Variants in SDK1 observed in about 807,000 individuals in gnomAD.
SDK1 encodes sidekick cell adhesion molecule 1.
A neutral mutation model predicts 245.5 loss-of-function variants in SDK1; 157 were observed. The observed-to-expected ratio is 0.64, with a 90% CI of 0.56 to 0.73. The LOEUF is 0.73. Among genes scored for constraint, SDK1 ranks in the 30% least tolerant of loss-of-function variants. SDK1 has a pLI of 0.00. For missense variants in SDK1, 3,583 were observed against 3,002.3 expected (o/e 1.19, Z -4.52); for synonymous variants, 1,647 against 1,278.5 (o/e 1.29, Z -6.15).
At chr7:3,493,764 C>T (rs946708588) in intron 1 of SDK1, among the ~76,000 whole-genome samples, 61 of 152,296 alleles carry the variant, frequency 4.0e-4, no homozygotes, top group African/African-American at 1.3e-3. Flanking sequence ...TCACTTATGA[C>T]ATAGCTTCTA....
At chr7:3,624,492 C>G (rs920999387) in intron 2 of SDK1, among the ~76,000 whole-genome samples, 1 of 152,106 alleles carries the variant, frequency 6.6e-6, no homozygotes, top group Non-Finnish European at 1.5e-5. Context: ...AGCCACCACA[C>G]CTGGCCTGGA....
chr7:3,312,099 C>T (rs1303525002), intron 1 of SDK1, among the ~76,000 whole-genome samples: 1 of 152,116 alleles, frequency 6.6e-6, no homozygotes, highest in African/African-American at 2.4e-5. Flanking sequence ...GGGTTGTGAT[C>T]ATTAGGAATA....
chr7:3,971,659 A>G (rs1016493586), intron 12 of SDK1, 91 bp downstream of exon 12: 89 of 960,202 alleles, frequency 9.3e-5, no homozygotes, highest in Non-Finnish European at 1.3e-4. Context: ...AATTGGGGGA[A>G]CTTTTGATTT....
rs116201767 is a variant in SDK1 at position 3,555,136 on chromosome 7, C to G, written c.299-63944C>G. On this transcript the variant is annotated intron_variant, in intron 1 of 44. Transcript: ENST00000404826. ...CAAGAATAGACAAATTTATCCTAAA[C>G]AAAAAGAACATAACTTGAGGAGTCA... 2.5e-3 allele frequency among the ~76,000 whole-genome samples: 383 copies of G among 152,096 alleles called. 4 individuals carry two copies. Among genetic ancestry groups the G allele is most frequent in the African/African-American group, 9.0e-3 (373 of 41,514 alleles).
chr7:3,361,231 C>T (rs539843382), intron 1 of SDK1, among the ~76,000 whole-genome samples: 20 of 152,114 alleles, frequency 1.3e-4, no homozygotes, highest in South Asian at 4.2e-4. Context: ...GGATTGCACT[C>T]GCATCTGGAT....
intron 18 of SDK1, 94 bp from the exon 19 acceptor site, chr7:4,051,544 C>T (rs959010895): frequency 4.5e-5 from 50 of 1,114,282 alleles, no homozygotes; most frequent in Non-Finnish European, 6.2e-5. Flanking sequence ...TATGACTTTA[C>T]ATTTTAAAAG....
intron 1 of SDK1, among the ~76,000 whole-genome samples, chr7:3,599,411 A>T (rs1781181786): frequency 6.6e-6 from 1 of 151,878 alleles, no homozygotes; most frequent in South Asian, 2.1e-4. Context: ...ATTTTCTCCT[A>T]ATCTGTGTCT....
intron 1 of SDK1, among the ~76,000 whole-genome samples, chr7:3,612,023 C>T (rs974458553): frequency 6.6e-6 from 1 of 152,022 alleles, no homozygotes; most frequent in Non-Finnish European, 1.5e-5. Context: ...TGTATCTTCT[C>T]ACTCCTAAGT....
At chr7:3,878,514 C>G (rs192434669) in intron 5 of SDK1, among the ~76,000 whole-genome samples, 17 of 152,056 alleles carry the variant, frequency 1.1e-4, no homozygotes, top group African/African-American at 4.1e-4. Context: ...AAGACTCTGT[C>G]TCAAAAAAAT....
intron 4 of SDK1, among the ~76,000 whole-genome samples, chr7:3,728,204 CT>C (rs559688295): frequency 9.9e-5 from 15 of 152,222 alleles, no homozygotes; most frequent in Non-Finnish European, 2.1e-4. Context: ...TGAGGTAGTA[CT>C]TATCAGCTAT....
At chr7:3,760,256 C>T (rs1324441836) in intron 4 of SDK1, among the ~76,000 whole-genome samples, 1 of 152,164 alleles carries the variant, frequency 6.6e-6, no homozygotes, top group East Asian at 1.9e-4. Flanking sequence ...CAACAGAAGA[C>T]TCAGGTTGTC....
rs765064900 is a variant in SDK1, at chr7:3,973,060, G to C, written c.1818-1309G>C. Among the ~76,000 whole-genome samples the C allele has an allele frequency of 2.0e-5, 3 of 152,106 alleles. No individual in the cohort carries two copies. The East Asian group carries it at 5.8e-4, about 29-fold the overall frequency. ...AACCCCCTCGGATCCCTGTGGTTTCGTAGTAGCTTGTTATATGTGATTAAA... is the reference window on the plus strand; with the variant it reads ...AACCCCCTCGGATCCCTGTGGTTTCCTAGTAGCTTGTTATATGTGATTAAA... On this transcript the variant is annotated intron_variant, in intron 12 of 44. Coordinates refer to ENST00000404826, the MANE Select transcript of SDK1 (RefSeq NM_152744.4).
intron 5 of SDK1, among the ~76,000 whole-genome samples, chr7:3,923,434 A>C (rs1217506217): frequency 1.3e-5 from 2 of 152,190 alleles, no homozygotes; most frequent in Admixed American, 6.5e-5. Context: ...TGTTTGTTTT[A>C]ATAATCGAGA....
chr7:4,133,037 G>A (rs1232896852), intron 28 of SDK1, among the ~76,000 whole-genome samples: 1 of 152,168 alleles, frequency 6.6e-6, no homozygotes, highest in East Asian at 1.9e-4. Context: ...ATGTTGATGT[G>A]TGTTTGAGAA....
intron 5 of SDK1, among the ~76,000 whole-genome samples, chr7:3,893,458 A>G (rs148521869): frequency 6.6e-6 from 1 of 151,970 alleles, no homozygotes; most frequent in Non-Finnish European, 1.5e-5. Flanking sequence ...TGCAAACTCA[A>G]GTAGCTGTTA....
intron 4 of SDK1, among the ~76,000 whole-genome samples, chr7:3,653,880 G>C (rs571429287): frequency 6.6e-6 from 1 of 152,190 alleles, no homozygotes; most frequent in African/African-American, 2.4e-5. Flanking sequence ...GAAGCAGAGA[G>C]GATGATCTCT....
intron 17 of SDK1, among the ~76,000 whole-genome samples, chr7:4,048,484 C>G (rs946746499): frequency 1.3e-5 from 2 of 152,298 alleles, no homozygotes; most frequent in South Asian, 2.1e-4. Flanking sequence ...CGCTTCCCCC[C>G]ACCCCTCGTC....
At chr7:4,056,754 G>A (rs929448131) in intron 19 of SDK1, among the ~76,000 whole-genome samples, 1 of 152,138 alleles carries the variant, frequency 6.6e-6, no homozygotes, top group Non-Finnish European at 1.5e-5. Flanking sequence ...GCCCAGAGCA[G>A]CTACTATGCA....
intron 35 of SDK1, among the ~76,000 whole-genome samples, chr7:4,202,292 G>A (rs1466911387): frequency 6.6e-6 from 1 of 152,200 alleles, no homozygotes; most frequent in South Asian, 2.1e-4. Flanking sequence ...GTTAGGCTGG[G>A]ATAACAAACA....
Sources: gnomAD v4.1 joint callset for allele counts (sites outside exome capture counted in the v4.1 genomes callset) on GRCh38, gnomAD v4.1.1 for gene constraint, MANE v1.5 for transcripts, NCBI Gene and HGNC (gene_info 2026-07-23, HGNC 2026-07-21) for gene names.